Variants in SEMA3E observed in about 807,000 individuals in gnomAD.
SEMA3E encodes the protein semaphorin-3E.
Under a neutral mutation model 93.6 loss-of-function variants are expected in SEMA3E, and 49 were observed. The observed-to-expected ratio is 0.52, with a 90% CI of 0.42 to 0.66. The LOEUF (loss-of-function observed/expected upper bound fraction) is 0.66, where lower values mean the gene tolerates loss of function less well. Among genes scored for constraint, SEMA3E ranks in the 30% least tolerant of loss-of-function variants. SEMA3E has a pLI of 0.00. For synonymous variants in SEMA3E, 363 were observed against 330.7 expected, an observed-to-expected ratio of 1.10 and a Z score of -1.06; for missense variants, 906 against 964.8, an observed-to-expected ratio of 0.94 and a Z score of 0.81.
At chr7:83,559,567 T>G (rs1413139507) in intron 1 of SEMA3E, among the ~76,000 whole-genome samples, 1 of 151,848 alleles carries the variant, frequency 6.6e-6, no homozygotes, top group African/African-American at 2.4e-5. Flanking sequence ...GTACTGACAA[T>G]ATCAAATGCT....
At chr7:83,455,757 T>C (rs1259050735) in intron 4 of SEMA3E, among the ~76,000 whole-genome samples, 1 of 152,242 alleles carries the variant, frequency 6.6e-6, no homozygotes, top group African/African-American at 2.4e-5. Flanking sequence ...TATGCAGCCA[T>C]GTTATGACAG....
At chr7:83,369,494 A>G (rs185080640) in intron 16 of SEMA3E, among the ~76,000 whole-genome samples, 1 of 152,308 alleles carries the variant, frequency 6.6e-6, no homozygotes, top group East Asian at 1.9e-4. Flanking sequence ...TTCAGCCATT[A>G]TAAGTAAGTT....
At chr7:83,573,258 TTTA>T (rs1167884608) in intron 1 of SEMA3E, among the ~76,000 whole-genome samples, 4 of 121,940 alleles carry the variant, frequency 3.3e-5, no homozygotes, top group African/African-American at 5.4e-5. Flanking sequence ...CATTGTCATT[TTTA>T]TTGTCATTTT....
At chr7:83,471,968 G>T (rs917194708) in intron 2 of SEMA3E, among the ~76,000 whole-genome samples, 1 of 152,100 alleles carries the variant, frequency 6.6e-6, no homozygotes, top group Non-Finnish European at 1.5e-5. Flanking sequence ...ACTGGACCAC[G>T]ACATCATGTT....
chr7:83,439,103 T>G (rs1015421252), intron 4 of SEMA3E, among the ~76,000 whole-genome samples: 3 of 152,214 alleles, frequency 2.0e-5, no homozygotes, highest in African/African-American at 7.2e-5. Flanking sequence ...CGTTTTAGTA[T>G]GCAGATAGGC....
chr7:83,405,809 T>C, intron 8 of SEMA3E, 136 bp downstream of exon 8: 1 of 757,142 alleles, frequency 1.3e-6, no homozygotes, highest in Non-Finnish European at 2.2e-6. Flanking sequence ...CTGGCCAAAA[T>C]GAAAAGAACA....
intron 9 of SEMA3E, 38 bp downstream of exon 9, chr7:83,405,412 G>C: frequency 6.9e-7 from 1 of 1,454,262 alleles, no homozygotes. Flanking sequence ...GGCATCTCTT[G>C]TTCTATATTG....
chr7:83,368,285 G>A (rs756537104), intron 16 of SEMA3E, among the ~76,000 whole-genome samples: 1 of 148,652 alleles, frequency 6.7e-6, no homozygotes, highest in African/African-American at 2.6e-5. Flanking sequence ...CAATGACCTT[G>A]AGATCATTTT....
chr7:83,384,878 T>G (rs1461285717), intron 16 of SEMA3E, among the ~76,000 whole-genome samples: 1 of 152,052 alleles, frequency 6.6e-6, no homozygotes, highest in African/African-American at 2.4e-5. Flanking sequence ...TTAATTCTGT[T>G]ATTATTCATA....
chr7:83,596,587 A>G (rs1792876227), intron 1 of SEMA3E, among the ~76,000 whole-genome samples: 1 of 152,136 alleles, frequency 6.6e-6, no homozygotes, highest in Non-Finnish European at 1.5e-5. Flanking sequence ...ATTCATAAAA[A>G]TAATCTAGGA....
intron 2 of SEMA3E, among the ~76,000 whole-genome samples, chr7:83,487,479 T>C (rs1235160156): frequency 2.6e-5 from 4 of 152,072 alleles, no homozygotes; most frequent in African/African-American, 9.7e-5. Flanking sequence ...GATCAATCTA[T>C]GACAGCCTTG....
intron 4 of SEMA3E, among the ~76,000 whole-genome samples, chr7:83,436,017 C>A (rs901788581): frequency 4.6e-5 from 7 of 152,060 alleles, no homozygotes; most frequent in African/African-American, 1.7e-4. Context: ...TAAATTATTT[C>A]ATGATGTGTT....
chr7:83,602,276 A>G (rs1372265707), intron 1 of SEMA3E, among the ~76,000 whole-genome samples: 3 of 152,172 alleles, frequency 2.0e-5, no homozygotes, highest in Non-Finnish European at 4.4e-5. Context: ...TGTGAGAAAA[A>G]CAAGTCATAT....
intron 1 of SEMA3E, among the ~76,000 whole-genome samples, chr7:83,600,742 A>C (rs929039150): frequency 1.3e-5 from 2 of 151,898 alleles, no homozygotes; most frequent in Non-Finnish European, 2.9e-5. Flanking sequence ...TCATCATCAC[A>C]GATAAATAAA....
At chr7:83,545,963 A>G (rs2078255376) in intron 1 of SEMA3E, among the ~76,000 whole-genome samples, 1 of 146,900 alleles carries the variant, frequency 6.8e-6, no homozygotes. Flanking sequence ...ATGTTTAGAA[A>G]TGGGAGCCAT....
chr7:83,426,280 G>C (rs1788767802), intron 4 of SEMA3E, among the ~76,000 whole-genome samples: 1 of 152,028 alleles, frequency 6.6e-6, no homozygotes. Flanking sequence ...GCATTTGTAT[G>C]TTCATTGCAG....
intron 1 of SEMA3E, among the ~76,000 whole-genome samples, chr7:83,502,741 T>C (rs1790619524): frequency 6.6e-6 from 1 of 152,220 alleles, no homozygotes; most frequent in Non-Finnish European, 1.5e-5. Context: ...TTCTTATATA[T>C]GTTTTCTCTC....
intron 10 of SEMA3E, among the ~76,000 whole-genome samples, chr7:83,401,726 C>T (rs761013026): frequency 1.3e-5 from 2 of 151,980 alleles, no homozygotes; most frequent in African/African-American, 4.8e-5. Context: ...TGGGTTTTTG[C>T]TCTACAAAAA....
At position 83,454,905 on chromosome 7, in the gene SEMA3E, C is replaced by T. The variant is rs557179029; in HGVS notation, c.456+11577G>A. 8.5e-5 allele frequency among the ~76,000 whole-genome samples: 13 copies of T among 152,266 alleles called. 1 individual carries two copies. The South Asian group carries it at 1.9e-3, about 22-fold the overall frequency. Reference sequence around the variant, plus strand: ...ACAAGCAACTGGAAGACATCATTTCCAGTCTATAACATTTAACTGTGGGCT... The same window carrying T: ...ACAAGCAACTGGAAGACATCATTTCTAGTCTATAACATTTAACTGTGGGCT... On this transcript the variant is annotated intron_variant, in intron 4 of 16. Transcript: ENST00000643230.
Sources: allele counts gnomAD v4.1 joint callset (sites outside exome capture counted in the v4.1 genomes callset), GRCh38; gene constraint gnomAD v4.1.1; transcripts MANE v1.5; gene names NCBI Gene and HGNC (gene_info 2026-07-23, HGNC 2026-07-21).